PTPRF: variants seen among roughly 807,000 people sequenced by gnomAD.
PTPRF encodes receptor-type tyrosine-protein phosphatase F.
In PTPRF, 59 loss-of-function variants were observed where a neutral mutation model predicts 201.8. That is an observed-to-expected ratio of 0.29 (90% CI 0.24 to 0.36). PTPRF has a LOEUF of 0.36. PTPRF is among the 10% of genes least tolerant of loss of function. PTPRF has a pLI of 1.00. For synonymous variants in PTPRF, 1,088 were observed against 1,089.7 expected (o/e 1.00, Z 0.03); for missense variants, 2,132 against 2,690.5 (o/e 0.79, Z 4.59).
chr1:43,566,401 C>T (rs977722156), intron 5 of PTPRF, among the ~76,000 whole-genome samples: 6 of 152,178 alleles, frequency 3.9e-5, no homozygotes, highest in Non-Finnish European at 7.3e-5. Context: ...TCTTACTGTC[C>T]CTCATACCTG....
intron 5 of PTPRF, among the ~76,000 whole-genome samples, chr1:43,557,806 G>T (rs966140283): frequency 6.6e-6 from 1 of 152,142 alleles, no homozygotes; most frequent in African/African-American, 2.4e-5. Flanking sequence ...GTGGAGCTGT[G>T]GGCCTGAGTG....
At chr1:43,576,232 C>T (rs970323416) in intron 6 of PTPRF, among the ~76,000 whole-genome samples, 1 of 152,266 alleles carries the variant, frequency 6.6e-6, no homozygotes, top group Non-Finnish European at 1.5e-5. Context: ...TCAGCTCCTA[C>T]TGTGAAACTT....
chr1:43,567,347 C>T (rs976706723), intron 5 of PTPRF, among the ~76,000 whole-genome samples: 3 of 152,340 alleles, frequency 2.0e-5, no homozygotes, highest in South Asian at 2.1e-4. Context: ...GTCCTCCTTC[C>T]CTTCTCTTGC....
At chr1:43,559,517 A>G (rs1456242992) in intron 5 of PTPRF, among the ~76,000 whole-genome samples, 1 of 149,758 alleles carries the variant, frequency 6.7e-6, no homozygotes, top group African/African-American at 2.5e-5. Flanking sequence ...CTGTGTTTAT[A>G]TCGGGTAGTG....
intron 7 of PTPRF, chr1:43,583,171 C>T (rs765353947): frequency 4.4e-6 from 4 of 914,778 alleles, no homozygotes; most frequent in Non-Finnish European, 2.6e-6. Context: ...CCAGCGGGCT[C>T]GGTCAGCTCC....
intron 6 of PTPRF, among the ~76,000 whole-genome samples, chr1:43,571,620 G>T (rs1382535838): frequency 6.6e-6 from 1 of 152,168 alleles, no homozygotes; most frequent in Non-Finnish European, 1.5e-5. Context: ...TCTCAAATTG[G>T]CCCCCTTCTC....
In PTPRF at chr1:43,575,976, G is replaced by A. The variant is rs758111489; in HGVS notation, c.569-2834G>A. ...CGCCACACCACGCCTTGCCACTGCC[G>A]TCACCTCCACTCCATCCCGTCCAGT... On this transcript the variant is annotated intron_variant, in intron 6 of 33. Transcript: ENST00000359947. 132 of 1,358,010 alleles carry A rather than the reference G, an allele frequency of 9.7e-5. 1 individual carries two copies. The highest frequency in any genetic ancestry group is 8.2e-5 in the Non-Finnish European group (83 of 1,017,120). The allele number at this position is 1,358,010 out of a possible 1,614,324, so 84.1% of individuals were successfully genotyped here. A position where few individuals can be genotyped will look rare whatever the true frequency, so the allele number is the denominator to read the frequency against.
At chr1:43,577,094 G>A (rs753674982) in intron 6 of PTPRF, among the ~76,000 whole-genome samples, 1 of 152,194 alleles carries the variant, frequency 6.6e-6, no homozygotes, top group Non-Finnish European at 1.5e-5. Context: ...TCTTGTTGCA[G>A]AGGAACCTCC....
At chr1:43,621,883 G>A in intron 33 of PTPRF, 52 bp from the exon 34 acceptor site, 1 of 1,556,864 alleles carries the variant, frequency 6.4e-7, no homozygotes, top group Non-Finnish European at 8.9e-7. Flanking sequence ...CAGCTGTGTA[G>A]TGGGGGTGTC....
At chr1:43,615,434 G>C (rs1033198845) in intron 23 of PTPRF, among the ~76,000 whole-genome samples, 1 of 151,690 alleles carries the variant, frequency 6.6e-6, no homozygotes, top group Non-Finnish European at 1.5e-5. Context: ...TCTTCTACCT[G>C]CTTCCCTCCT....
chr1:43,591,742 G>T (rs1190440801), intron 9 of PTPRF, 70 bp from the exon 10 acceptor site: 1 of 1,582,054 alleles, frequency 6.3e-7, no homozygotes, highest in East Asian at 2.3e-5. Context: ...GACTTCCTCG[G>T]CTCCCTCCTC....
chr1:43,588,593 C>T lies in PTPRF; in HGVS notation c.680-138C>T. 3 of 1,139,410 alleles carry T rather than the reference C, an allele frequency of 2.6e-6. No individual in the cohort carries two copies. The highest frequency in any genetic ancestry group is 3.6e-6 in the Non-Finnish European group (3 of 822,570). The allele number at this position is 1,139,410 out of a possible 1,614,324, so 70.6% of individuals were successfully genotyped here. ...GTGGGAGTGGATGATGAGCTGGGGT[C>T]TGGCGGTGCCACCCCTCCTGTCTCT... On this transcript the variant is annotated intron_variant, in intron 7 of 33. Transcript: ENST00000359947. This position sits in a 1 kb window ranked among gnomAD's most constrained non-coding sequence, Gnocchi z 5.3.
At chr1:43,592,051 G>A (rs1331016211) in intron 10 of PTPRF, 103 bp downstream of exon 10, 1 of 1,507,264 alleles carries the variant, frequency 6.6e-7, no homozygotes, top group Non-Finnish European at 9.1e-7. Context: ...GGCTTATGTG[G>A]GCACAGCCTC....
chr1:43,594,015 G>A (rs1320660430), intron 11 of PTPRF, among the ~76,000 whole-genome samples: 1 of 151,978 alleles, frequency 6.6e-6, no homozygotes, highest in Admixed American at 6.5e-5. Context: ...AAGCTCATTT[G>A]GGTAATTACA....
At position 43,622,197 on chromosome 1, in the gene PTPRF, G is replaced by C; in HGVS notation, c.*194G>C. On this transcript the variant is annotated 3_prime_UTR_variant, in exon 34 of 34. Transcript: ENST00000359947. ...AGCCTAGAACATCCCTGGGCAAGTG[G>C]ATGGCCCAGCAGGCAGGCACTGTGG... 1 of 623,322 alleles carries C rather than the reference G, an allele frequency of 1.6e-6. No individual in the cohort carries two copies. Among genetic ancestry groups the C allele is most frequent in the Non-Finnish European group, 2.8e-6 (1 of 357,228 alleles). The allele number at this position is 623,322 out of a possible 1,614,324, so 38.6% of individuals were successfully genotyped here.
chr1:43,586,349 C>T (rs529446380), intron 7 of PTPRF, among the ~76,000 whole-genome samples: 2 of 152,222 alleles, frequency 1.3e-5, no homozygotes, highest in African/African-American at 2.4e-5. Flanking sequence ...CCTGCCTGTG[C>T]CTGTCCCTGA....
intron 5 of PTPRF, among the ~76,000 whole-genome samples, chr1:43,565,833 CG>C (rs1329581565): frequency 2.0e-5 from 3 of 152,146 alleles, no homozygotes; most frequent in African/African-American, 2.4e-5. Flanking sequence ...GGGCGGACAG[CG>C]GACGCGCGCG....
In PTPRF at chr1:43,591,327, G is replaced by A; in HGVS notation, c.1305G>A (p.Glu435=). The part of the protein sequence containing the change: ...LSASTMLVQW[E]PPEEPNGLVR... The stretch of plus-strand genomic sequence containing the variant: ...CCAGCACCATGCTGGTGCAGTGGGA[G>A]CCTCCCGAGGAGCCCAACGGCCTGG... Residue 435 remains glutamate (E), a synonymous_variant, in exon 9 of 34, where the codon GAG becomes GAA. Coordinates refer to ENST00000359947, the MANE Select transcript of PTPRF (RefSeq NM_002840.5). 6.4e-7 allele frequency: 1 copy of A among 1,551,740 alleles called. No individual in the cohort carries two copies.
intron 5 of PTPRF, among the ~76,000 whole-genome samples, chr1:43,568,363 G>C (rs576312656): frequency 6.6e-6 from 1 of 151,896 alleles, no homozygotes; most frequent in South Asian, 2.1e-4. Context: ...CACCAGCCTA[G>C]AGTGGAAAAG....
Sources: allele counts gnomAD v4.1 joint callset (sites outside exome capture counted in the v4.1 genomes callset), GRCh38; gene constraint gnomAD v4.1.1; non-coding constraint Gnocchi (gnomAD v3.1); transcripts MANE v1.5; gene names NCBI Gene and HGNC (gene_info 2026-07-23, HGNC 2026-07-21).